CEP15: variants seen among roughly 807,000 people sequenced by gnomAD.
The protein encoded by CEP15 is centrosomal protein 15 kDa.
the CEP15 span, chr3:62,334,742 C>T: frequency 2.6e-5 from 4 of 152,054 alleles, no homozygotes; most frequent in South Asian, 2.1e-4. This position sits in a 1 kb window ranked among gnomAD's most constrained non-coding sequence, Gnocchi z 4.9. Context: ...GGCATAGCAA[C>T]CAGAACAATT....
chr3:62,327,851 A>G, the CEP15 span, among the ~76,000 whole-genome samples: 14 of 152,194 alleles, frequency 9.2e-5, no homozygotes, highest in African/African-American at 3.4e-4. Context: ...TTTTTAATTT[A>G]TCTGGGATTT....
chr3:62,329,719 TA>T, the CEP15 span, among the ~76,000 whole-genome samples: 2 of 152,210 alleles, frequency 1.3e-5, no homozygotes, highest in African/African-American at 4.8e-5. Context: ...AGAGAGATAA[TA>T]AGTATCCTTA....
chr3:62,329,877 T>C, the CEP15 span, among the ~76,000 whole-genome samples: 2 of 152,198 alleles, frequency 1.3e-5, no homozygotes, highest in Non-Finnish European at 2.9e-5. Context: ...ATTTGATTTA[T>C]AAAGGTAAAA....
At chr3:62,333,462 A>G in the CEP15 span, 1 of 1,490,546 alleles carries the variant, frequency 6.7e-7, no homozygotes, top group Non-Finnish European at 9.0e-7. This position sits in a 1 kb window ranked among gnomAD's most constrained non-coding sequence, Gnocchi z 4.0. Context: ...TTATTGCAGG[A>G]ACTTTAGGAA....
At chr3:62,319,564 C>T in the CEP15 span, among the ~76,000 whole-genome samples, 3 of 152,156 alleles carry the variant, frequency 2.0e-5, no homozygotes, top group Non-Finnish European at 4.4e-5. Context: ...GTTCAGCACC[C>T]TACACTCAAT....
chr3:62,334,503 T>C, the CEP15 span: 1 of 152,130 alleles, frequency 6.6e-6, no homozygotes, highest in Non-Finnish European at 1.5e-5. The surrounding 1 kb of genome is among the most constrained non-coding windows in gnomAD (Gnocchi z 4.9). Context: ...AACAATAATG[T>C]TGTTTTCATA....
At chr3:62,331,597 TA>T in the CEP15 span, among the ~76,000 whole-genome samples, 2 of 152,168 alleles carry the variant, frequency 1.3e-5, no homozygotes, top group Admixed American at 1.3e-4. Flanking sequence ...ATCTTGATTT[TA>T]AAAAGTTTAG....
At chr3:62,330,712 C>G in the CEP15 span, among the ~76,000 whole-genome samples, 1 of 152,076 alleles carries the variant, frequency 6.6e-6, no homozygotes, top group Non-Finnish European at 1.5e-5. Context: ...GCTTAGAAAG[C>G]TAGTACTAAA....
the CEP15 span, chr3:62,335,899 G>A: frequency 6.6e-6 from 1 of 152,054 alleles, no homozygotes; most frequent in African/African-American, 2.4e-5. Context: ...AAGATCAGAA[G>A]AAGCTACAGT....
chr3:62,336,131 A>T, the CEP15 span: 1 of 152,140 alleles, frequency 6.6e-6, no homozygotes, highest in Admixed American at 6.6e-5. This position sits in a 1 kb window ranked among gnomAD's most constrained non-coding sequence, Gnocchi z 4.4. Flanking sequence ...GCTATTTTGC[A>T]TTATCCCCCT....
chr3:62,322,200 C>A, the CEP15 span: 2 of 809,114 alleles, frequency 2.5e-6, no homozygotes, highest in South Asian at 1.8e-5. This position sits in a 1 kb window ranked among gnomAD's most constrained non-coding sequence, Gnocchi z 5.5. Flanking sequence ...AAGCCCATGT[C>A]AGTTAGATAA....
chr3:62,332,474 A>G, the CEP15 span, among the ~76,000 whole-genome samples: 5 of 152,094 alleles, frequency 3.3e-5, no homozygotes, highest in African/African-American at 1.2e-4. Context: ...ATCTAATATC[A>G]GTTGCCCTCC....
At chr3:62,335,797 G>A in the CEP15 span, 10 of 151,736 alleles carry the variant, frequency 6.6e-5, no homozygotes, top group Non-Finnish European at 1.0e-4. Context: ...TTCCAAAGCC[G>A]TTTGTGGACT....
At chr3:62,323,771 T>A in the CEP15 span, 3 of 152,170 alleles carry the variant, frequency 2.0e-5, no homozygotes, top group Non-Finnish European at 4.4e-5. Flanking sequence ...TTCCCCTGAT[T>A]ATCAAAGTAA....
At chr3:62,329,202 A>G in the CEP15 span, among the ~76,000 whole-genome samples, 99 of 152,290 alleles carry the variant, frequency 6.5e-4, no homozygotes, top group Middle Eastern at 3.4e-3. Context: ...ACCTTTGAAA[A>G]TTTAAATGGC....
chr3:62,334,588 C>T, the CEP15 span: 1 of 152,036 alleles, frequency 6.6e-6, no homozygotes, highest in African/African-American at 2.4e-5. This position sits in a 1 kb window ranked among gnomAD's most constrained non-coding sequence, Gnocchi z 4.9. Context: ...CACAGGGTGT[C>T]AGTCCGATGA....
the CEP15 span, chr3:62,334,733 G>T: frequency 1.5e-4 from 23 of 152,174 alleles, no homozygotes; most frequent in African/African-American, 5.5e-4. The surrounding 1 kb of genome is among the most constrained non-coding windows in gnomAD (Gnocchi z 4.9). Context: ...AAGAAAACTG[G>T]CATAGCAACC....
the CEP15 span, among the ~76,000 whole-genome samples, chr3:62,330,574 T>A: frequency 6.6e-5 from 10 of 152,176 alleles, no homozygotes; most frequent in African/African-American, 2.4e-4. Context: ...TTTAGTTACC[T>A]TGGTGTTTTT....
At chr3:62,327,518 G>T in the CEP15 span, among the ~76,000 whole-genome samples, 1 of 152,206 alleles carries the variant, frequency 6.6e-6, no homozygotes, top group African/African-American at 2.4e-5. Context: ...TCAGATTCAG[G>T]TTCATTGTTT....
Sources: gnomAD v4.1 joint callset for allele counts (sites outside exome capture counted in the v4.1 genomes callset) on GRCh38, gnomAD v4.1.1 for gene constraint, Gnocchi (gnomAD v3.1) non-coding constraint, MANE v1.5 for transcripts, NCBI Gene and HGNC (gene_info 2026-07-23, HGNC 2026-07-21) for gene names.